ART1: variants seen among roughly 807,000 people sequenced by gnomAD.
The protein encoded by ART1 is GPI-linked NAD(P)(+)--arginine ADP-ribosyltransferase 1.
A neutral mutation model predicts 27.0 loss-of-function variants in ART1; 29 were observed. The observed-to-expected ratio is 1.08, with a 90% CI of 0.80 to 1.47. The LOEUF is 1.47. Ranked by LOEUF, ART1 falls within the 40% of genes most tolerant of loss-of-function variation. The pLI, the probability that ART1 is intolerant of heterozygous loss-of-function variation, is 0.00. For missense variants in ART1, 480 were observed against 423.0 expected (o/e 1.13, Z -1.18); for synonymous variants, 201 against 172.2 (o/e 1.17, Z -1.31).
intron 4 of ART1, among the ~76,000 whole-genome samples, chr11:3,661,893 G>A (rs1030904002): frequency 1.3e-5 from 2 of 152,248 alleles, no homozygotes; most frequent in Non-Finnish European, 2.9e-5. Context: ...TTAGCCAGGA[G>A]ATGAGTGTGT....
At chr11:3,650,159 C>A (rs2077508217) in intron 1 of ART1, among the ~76,000 whole-genome samples, 2 of 152,240 alleles carry the variant, frequency 1.3e-5, no homozygotes, top group South Asian at 2.1e-4. Context: ...CACGCCTGAA[C>A]TGCAGCTGCC....
In ART1 at chr11:3,659,569, T is replaced by A. The variant is rs1276821554; in HGVS notation, c.64-14T>A. On this transcript the variant is annotated splice_polypyrimidine_tract_variant and intron_variant, in intron 2 of 4. Coordinates refer to ENST00000250693, the MANE Select transcript of ART1 (RefSeq NM_004314.3). ...GGCCTATCCTCTCAGTCCCTGCTAC[T>A]CCTGTCCCCTCAGGCCCAGAGCCAC... The A allele has an allele frequency of 6.3e-7, 1 of 1,580,958 alleles. No individual in the cohort carries two copies. The highest frequency in any genetic ancestry group is 1.7e-5 in the Admixed American group (1 of 58,620).
At chr11:3,646,013 C>T (rs1012884842) in intron 1 of ART1, among the ~76,000 whole-genome samples, 4 of 151,774 alleles carry the variant, frequency 2.6e-5, no homozygotes, top group African/African-American at 9.7e-5. Context: ...AGGATAAGGA[C>T]GCTGGCCTCT....
At chr11:3,655,426 C>A (rs1040862535) in intron 1 of ART1, 1 of 152,220 alleles carries the variant, frequency 6.6e-6, no homozygotes, top group Non-Finnish European at 1.5e-5. Context: ...TGACTTCCAG[C>A]CCTCATTGGT....
intron 3 of ART1, among the ~76,000 whole-genome samples, chr11:3,660,901 G>C (rs555296156): frequency 6.6e-6 from 1 of 152,334 alleles, no homozygotes; most frequent in Admixed American, 6.5e-5. Context: ...AGGAAGTGGT[G>C]GATGCTCCTC....
At chr11:3,649,440 A>C (rs1232885420) in intron 1 of ART1, among the ~76,000 whole-genome samples, 1 of 152,044 alleles carries the variant, frequency 6.6e-6, no homozygotes, top group East Asian at 1.9e-4. Flanking sequence ...GTCCCTCCCT[A>C]GTCTCTGCCC....
At chr11:3,661,350 C>T (rs1221185639) in intron 3 of ART1, 22 bp from the exon 4 acceptor site, 2 of 1,608,480 alleles carry the variant, frequency 1.2e-6, no homozygotes, top group Admixed American at 3.4e-5. Flanking sequence ...GCCTTTCATT[C>T]TTTACTGTTT....
chr11:3,651,521 A>G (rs58939729), intron 1 of ART1, among the ~76,000 whole-genome samples: 8,593 of 121,412 alleles, frequency 0.071, 547 homozygotes, highest in African/African-American at 0.15. Context: ...ACCGCATCCT[A>G]TAGCCTTTCT....
intron 2 of ART1, 82 bp downstream of exon 2, chr11:3,659,358 A>G: frequency 6.3e-7 from 1 of 1,586,860 alleles, no homozygotes; most frequent in Non-Finnish European, 8.6e-7. Flanking sequence ...AGAAAGAGAG[A>G]GAGGAAAGAA....
chr11:3,650,647 C>G (rs187825354), intron 1 of ART1, among the ~76,000 whole-genome samples: 195 of 152,260 alleles, frequency 1.3e-3, no homozygotes, highest in African/African-American at 4.5e-3. Flanking sequence ...TTAGACAATA[C>G]TCTTTTAAGC....
chr11:3,649,881 C>T (rs1445647911), intron 1 of ART1, among the ~76,000 whole-genome samples: 7 of 152,116 alleles, frequency 4.6e-5, no homozygotes, highest in Non-Finnish European at 8.8e-5. Context: ...AACCCTGAGA[C>T]GCTTTACAGC....
intron 1 of ART1, among the ~76,000 whole-genome samples, chr11:3,655,186 G>T (rs548988351): frequency 6.6e-6 from 1 of 152,180 alleles, no homozygotes; most frequent in Non-Finnish European, 1.5e-5. Flanking sequence ...CATTCTGGGG[G>T]TCCAGACTAA....
intron 4 of ART1, 115 bp downstream of exon 4, chr11:3,661,528 CT>C: frequency 1.3e-6 from 1 of 772,858 alleles, no homozygotes; most frequent in Non-Finnish European, 1.9e-6. Flanking sequence ...GAGTTTCACT[CT>C]TGTTGCCCAG....
intron 2 of ART1, 98 bp downstream of exon 2, chr11:3,659,374 G>C (rs1381919160): frequency 6.5e-7 from 1 of 1,548,502 alleles, no homozygotes; most frequent in African/African-American, 1.4e-5. Context: ...AAGAATGCCC[G>C]ACGCTTCCCC....
rs762029532 is a variant in ART1, at chr11:3,664,153, G to C, written c.948G>C (p.Val316=). The change falls in exon 5 of 5, where the codon GTG becomes GTC. Residue 316 remains valine (V), a synonymous_variant. Transcript: ENST00000250693. ...TGCTGCTGCTGCTCTGGTTCCTCGT[G>C]GTGAGGGCCTTTCCAGATGGTCCAG... ...WSLLLLLWFL[V]VRAFPDGPGL... 1 of 1,614,048 alleles carries C rather than the reference G, an allele frequency of 6.2e-7. No homozygotes were observed. The highest frequency in any genetic ancestry group is 1.1e-5 in the South Asian group (1 of 91,080).
At chr11:3,650,691 C>T (rs1294771892) in intron 1 of ART1, among the ~76,000 whole-genome samples, 1 of 152,054 alleles carries the variant, frequency 6.6e-6, no homozygotes, top group African/African-American at 2.4e-5. Context: ...TGCCCAGTTC[C>T]CTTATTAGGC....
rs563888294 is a variant in ART1, at chr11:3,646,272, C to T, written c.-53+1093C>T. On this transcript the variant is annotated intron_variant, in intron 1 of 4. Transcript: ENST00000250693. ...CTGACTGTGGAGGCGGGGAGATCAG[C>T]GAGGAGGAAGGGGCAAACCTGAGCC... is the stretch of plus-strand genomic sequence containing the variant. 1.5e-4 allele frequency among the ~76,000 whole-genome samples: 23 copies of T among 151,884 alleles called. No homozygotes were observed. In the South Asian group the frequency reaches 4.4e-3, roughly 29 times the overall value.
intron 1 of ART1, among the ~76,000 whole-genome samples, chr11:3,654,867 GC>G (rs1205368280): frequency 1.3e-5 from 2 of 152,178 alleles, no homozygotes; most frequent in Non-Finnish European, 1.5e-5. Flanking sequence ...CTGCCTTCAA[GC>G]CTCTCCTCCC....
rs1387565876 is a variant in ART1, at chr11:3,660,181, T to A, written c.662T>A (p.Ile221Asn). The change falls in exon 3 of 5, where the codon ATC becomes AAC. Residue 221 changes from isoleucine to asparagine, a missense_variant. Transcript: ENST00000250693. ...QQFGEDTFFG[I>N]WTCLGAPIKG... ...TTTGGTGAGGACACCTTCTTCGGCATCTGGACCTGCCTTGGGGCCCCTATC... is the reference window on the plus strand; with the variant it reads ...TTTGGTGAGGACACCTTCTTCGGCAACTGGACCTGCCTTGGGGCCCCTATC... The A allele has an allele frequency of 6.2e-7, 1 of 1,614,062 alleles. No homozygotes were observed.
Sources: gnomAD v4.1 joint callset for allele counts (sites outside exome capture counted in the v4.1 genomes callset) on GRCh38, gnomAD v4.1.1 for gene constraint, MANE v1.5 for transcripts, NCBI Gene and HGNC (gene_info 2026-07-23, HGNC 2026-07-21) for gene names.